The following SLCO6A1 variants were observed in gnomAD, a reference collection of about 807,000 sequenced individuals.
SLCO6A1 encodes the protein cancer/testis antigen 48.
A neutral mutation model predicts 72.7 loss-of-function variants in SLCO6A1; 65 were observed. The observed-to-expected ratio is 0.89, with a 90% CI of 0.73 to 1.10. The LOEUF (loss-of-function observed/expected upper bound fraction) is 1.10. Among genes scored for constraint, SLCO6A1 ranks in the 50% least tolerant of loss-of-function variants. The probability of loss-of-function intolerance (pLI) is 0.00; values close to 1 mark genes in which losing one functional copy is unlikely to be tolerated. For missense variants in SLCO6A1, 874 were observed against 872.6 expected (o/e 1.00, Z -0.02); for synonymous variants, 314 against 298.2 (o/e 1.05, Z -0.55).
At chr5:102,453,638 C>G (rs566785754) in intron 6 of SLCO6A1, among the ~76,000 whole-genome samples, 6 of 152,142 alleles carry the variant, frequency 3.9e-5, no homozygotes, top group Admixed American at 2.0e-4. Context: ...TTGTTTATTA[C>G]TTTTCAGGAC....
chr5:102,466,081 G>A (rs1751295287), intron 4 of SLCO6A1, among the ~76,000 whole-genome samples: 2 of 151,962 alleles, frequency 1.3e-5, no homozygotes, highest in South Asian at 4.1e-4. Context: ...TGTTAAATAA[G>A]TAAATGTGTG....
intron 4 of SLCO6A1, among the ~76,000 whole-genome samples, chr5:102,465,183 T>C (rs528191981): frequency 5.5e-4 from 84 of 152,266 alleles, no homozygotes; most frequent in Middle Eastern, 3.4e-3. Flanking sequence ...CTCCCATATA[T>C]AACAAATGAT....
intron 5 of SLCO6A1, 112 bp downstream of exon 5, chr5:102,459,544 C>CAAAT (rs2112760059): frequency 1.6e-6 from 2 of 1,213,752 alleles, no homozygotes; most frequent in South Asian, 3.9e-5. Flanking sequence ...ACCACTACAG[C>CAAAT]GAGAGGCATA....
At chr5:102,438,579 GC>G (rs1409561194) in intron 7 of SLCO6A1, 37 bp downstream of exon 7, 1 of 1,543,398 alleles carries the variant, frequency 6.5e-7, no homozygotes, top group East Asian at 2.3e-5. Context: ...ATAAGACAGT[GC>G]AAAATTTTTG....
chr5:102,405,119 T>A (rs139719276), intron 9 of SLCO6A1, among the ~76,000 whole-genome samples: 64 of 152,136 alleles, frequency 4.2e-4, no homozygotes, highest in African/African-American at 1.5e-3. Context: ...ATAATTTAAG[T>A]CCTCCAAGTC....
chr5:102,459,795 GAA>G lies in SLCO6A1; in HGVS notation c.900-20_900-19del, dbSNP rs148394431. The stretch of plus-strand genomic sequence containing the variant: ...CTGTAGTGCTTTAATAAAGAAAAGT[GAA>G]AAAAAAAAGCAACTTTAGGTATTTG... On this transcript the variant is annotated intron_variant, in intron 4 of 13. Transcript: ENST00000506729. The G allele has an allele frequency of 1.1e-5, 15 of 1,338,122 alleles. No individual in the cohort carries two copies. The highest frequency in any genetic ancestry group is 5.4e-5 in the Admixed American group (2 of 37,030). The allele number at this position is 1,338,122 out of a possible 1,614,324, so 82.9% of individuals were successfully genotyped here.
At position 102,400,194 on chromosome 5, in the gene SLCO6A1, C is replaced by T. The variant is rs114200440; in HGVS notation, c.1627-452G>A. On this transcript the variant is annotated intron_variant, in intron 9 of 13. Transcript: ENST00000506729. Reference sequence around the variant, plus strand: ...TATTTTGTATGTAATAATGACAGGGCTGCTATCCATTTGGGACAACAGACA... The same window carrying T: ...TATTTTGTATGTAATAATGACAGGGTTGCTATCCATTTGGGACAACAGACA... Among the ~76,000 whole-genome samples, 1,255 of 151,960 alleles carry T rather than the reference C, an allele frequency of 8.3e-3. 12 individuals carry two copies. Among genetic ancestry groups the T allele is most frequent in the Non-Finnish European group, 0.015 (1,006 of 67,874 alleles).
At chr5:102,463,363 G>T (rs1751143191) in intron 4 of SLCO6A1, among the ~76,000 whole-genome samples, 1 of 152,168 alleles carries the variant, frequency 6.6e-6, no homozygotes, top group Non-Finnish European at 1.5e-5. Flanking sequence ...ACAGTATGGA[G>T]ATTTCTTAAA....
chr5:102,430,288 C>G lies in SLCO6A1; in HGVS notation c.1276+8329G>C, dbSNP rs1580412952. 2.6e-5 allele frequency among the ~76,000 whole-genome samples: 4 copies of G among 151,718 alleles called. No individual in the cohort carries two copies. In the Middle Eastern group the frequency reaches 0.01, roughly 387 times the overall value. ...GCTTCCTCTCTTTTTATGTAGATGC[C>G]CTTCATTTCTTTCTCTTGTCTGATT... On this transcript the variant is annotated intron_variant, in intron 7 of 13. Transcript: ENST00000506729.
At position 102,380,196 on chromosome 5, in the gene SLCO6A1, T is replaced by C. The variant is rs928443191; in HGVS notation, c.2018-6702A>G. ...ATATTTATATGTGCTCTTTCTTATA[T>C]ATGTATATATTATATTTCAATAAAA... On this transcript the variant is annotated intron_variant, in intron 12 of 13. Transcript: ENST00000506729. Among the ~76,000 whole-genome samples, 3 of 151,954 alleles carry C rather than the reference T, an allele frequency of 2.0e-5. No individual in the cohort carries two copies. In the East Asian group the frequency reaches 5.8e-4, roughly 29 times the overall value.
chr5:102,440,461 G>C (rs1033021538), intron 6 of SLCO6A1, among the ~76,000 whole-genome samples: 6 of 152,126 alleles, frequency 3.9e-5, no homozygotes, highest in Non-Finnish European at 8.8e-5. Flanking sequence ...CCCCTAGATG[G>C]GATGGTCTAG....
intron 1 of SLCO6A1, among the ~76,000 whole-genome samples, chr5:102,492,843 G>A (rs933091421): frequency 6.6e-6 from 1 of 152,064 alleles, no homozygotes; most frequent in Non-Finnish European, 1.5e-5. Context: ...TGGGGAAGGG[G>A]TGCTCGCCAT....
rs144403325 is a variant in SLCO6A1 at position 102,437,960 on chromosome 5, AT to A, written c.1276+656del. Reference sequence around the variant, plus strand: ...ATTTGCAACCTCTTTTGGAGAGCCAATTCTCAATATCTCATAAAATTGTAAA... The same window carrying A: ...ATTTGCAACCTCTTTTGGAGAGCCAATCTCAATATCTCATAAAATTGTAAA... On this transcript the variant is annotated intron_variant, in intron 7 of 13. Coordinates refer to ENST00000506729, the MANE Select transcript of SLCO6A1 (RefSeq NM_173488.5). Among the ~76,000 whole-genome samples the A allele has an allele frequency of 8.8e-3, 1,347 of 152,240 alleles. 10 individuals are homozygous for A. Among genetic ancestry groups the A allele is most frequent in the Middle Eastern group, 0.017 (5 of 294 alleles).
Position 102,388,864 on chromosome 5 carries a change from C to T in SLCO6A1, c.1880-39G>A, listed in dbSNP as rs528043531. ...AATGATTGTAAATTCTTTGTGAAAACACTATTCTCTTAAACATGTAATGCA... is the reference window on the plus strand; with the variant it reads ...AATGATTGTAAATTCTTTGTGAAAATACTATTCTCTTAAACATGTAATGCA... On this transcript the variant is annotated intron_variant, in intron 11 of 13. Coordinates refer to ENST00000506729, the MANE Select transcript of SLCO6A1 (RefSeq NM_173488.5). 6 of 1,569,432 alleles carry T rather than the reference C, an allele frequency of 3.8e-6. No individual in the cohort carries two copies. In the African/African-American group the frequency reaches 4.1e-5, roughly 11 times the overall value.
intron 4 of SLCO6A1, among the ~76,000 whole-genome samples, 185 bp from the exon 5 acceptor site, chr5:102,459,962 C>G (rs1750941503): frequency 6.6e-6 from 1 of 151,824 alleles, no homozygotes; most frequent in South Asian, 2.1e-4. Context: ...ATTGTGAGTC[C>G]CCAATTATGT....
At chr5:102,376,206 CAT>C (rs1343253602) in intron 12 of SLCO6A1, among the ~76,000 whole-genome samples, 1 of 152,006 alleles carries the variant, frequency 6.6e-6, no homozygotes, top group East Asian at 1.9e-4. Flanking sequence ...CAAAAATAAA[CAT>C]AGCCAAAATA....
chr5:102,448,731 C>A (rs759985079), intron 6 of SLCO6A1, among the ~76,000 whole-genome samples: 3 of 152,092 alleles, frequency 2.0e-5, no homozygotes, highest in Admixed American at 2.0e-4. Context: ...ATAGATATTT[C>A]TCCATCCTTT....
chr5:102,389,400 G>A (rs114239595), intron 11 of SLCO6A1, among the ~76,000 whole-genome samples: 2,455 of 142,022 alleles, frequency 0.017, 68 homozygotes, highest in African/African-American at 0.06. Context: ...CTCCACAGCA[G>A]CAATGATACT....
intron 7 of SLCO6A1, among the ~76,000 whole-genome samples, chr5:102,430,525 T>C (rs1231475443): frequency 1.3e-5 from 2 of 152,208 alleles, no homozygotes; most frequent in African/African-American, 4.8e-5. Context: ...TTGAATTTTA[T>C]TGAAAGTCAT....
Sources: allele counts gnomAD v4.1 joint callset (sites outside exome capture counted in the v4.1 genomes callset), GRCh38; gene constraint gnomAD v4.1.1; transcripts MANE v1.5; gene names NCBI Gene and HGNC (gene_info 2026-07-23, HGNC 2026-07-21).